Variants in NRXN3 observed in about 807,000 individuals in gnomAD.
NRXN3 encodes the protein neurexin III.
A neutral mutation model predicts 137.6 loss-of-function variants in NRXN3; 32 were observed. That is an observed-to-expected ratio of 0.23 (90% confidence interval 0.18 to 0.31). NRXN3 has a LOEUF of 0.31. Among genes scored for constraint, NRXN3 ranks in the 10% least tolerant of loss-of-function variants. The pLI is 1.00. For synonymous variants in NRXN3, 798 were observed against 784.5 expected, an observed-to-expected ratio of 1.02 and a Z score of -0.29; for missense variants, 1,574 against 2,062.5, an observed-to-expected ratio of 0.76 and a Z score of 4.59.
chr14:78,838,108 C>T, intron 10 of NRXN3, among the ~76,000 whole-genome samples: 1 of 152,154 alleles, frequency 6.6e-6, no homozygotes, highest in Admixed American at 6.6e-5. Context: ...CTTTGCCCCC[C>T]TTTAACTCTA....
chr14:78,195,069 C>T (rs548064602), intron 1 of NRXN3, among the ~76,000 whole-genome samples: 81 of 151,542 alleles, frequency 5.3e-4, no homozygotes, highest in African/African-American at 2.0e-3. Flanking sequence ...CCCGACCCCC[C>T]ACCCTTTTTT....
chr14:78,297,864 GGTGCTTT>G lies in NRXN3; in HGVS notation c.757+11_757+17del, dbSNP rs755005592. ...CACCTCATGATGAGTGAACAAGGTA[GGTGCTTT>G]GTGCTTGTGGTCCTGCAGCTGCCTG... is the stretch of plus-strand genomic sequence containing the variant. On this transcript the variant is annotated splice_donor_5th_base_variant and intron_variant, in intron 4 of 20. Coordinates refer to ENST00000335750, the MANE Select transcript of NRXN3 (RefSeq NM_001330195.2). 1 of 1,536,410 alleles carries G rather than the reference GGTGCTTT, an allele frequency of 6.5e-7. No homozygotes were observed. Among genetic ancestry groups the G allele is most frequent in the South Asian group, 1.2e-5 (1 of 84,046 alleles).
intron 16 of NRXN3, among the ~76,000 whole-genome samples, chr14:79,559,729 A>C (rs1037114087): frequency 6.6e-6 from 1 of 152,334 alleles, no homozygotes; most frequent in Non-Finnish European, 1.5e-5. Flanking sequence ...AAAAAGCATA[A>C]TATCTACAAA....
intron 8 of NRXN3, among the ~76,000 whole-genome samples, chr14:78,738,493 C>T (rs922101429): frequency 1.3e-5 from 2 of 152,106 alleles, no homozygotes; most frequent in Admixed American, 6.6e-5. Flanking sequence ...GGTATCTGTC[C>T]GTGGCTCCCA....
chr14:78,794,628 G>C (rs992663120), intron 8 of NRXN3, among the ~76,000 whole-genome samples: 1 of 151,506 alleles, frequency 6.6e-6, no homozygotes, highest in Non-Finnish European at 1.5e-5. Context: ...GTGTGTGTGT[G>C]TGTGTGTATA....
At chr14:79,828,017 G>A (rs367776808) in intron 20 of NRXN3, among the ~76,000 whole-genome samples, 17 of 152,092 alleles carry the variant, frequency 1.1e-4, no homozygotes, top group South Asian at 4.2e-4. Flanking sequence ...TTATATGACC[G>A]GATCTCACTG....
chr14:78,627,568 G>T (rs1006847433), intron 4 of NRXN3, among the ~76,000 whole-genome samples: 8 of 152,140 alleles, frequency 5.3e-5, no homozygotes, highest in African/African-American at 1.9e-4. Context: ...CATGCAGGAG[G>T]CTTGGAGTAA....
chr14:79,121,599 T>A (rs1216493857), intron 15 of NRXN3, among the ~76,000 whole-genome samples: 1 of 152,190 alleles, frequency 6.6e-6, no homozygotes, highest in Non-Finnish European at 1.5e-5. Flanking sequence ...GCACATGGGT[T>A]TATCACTTGG....
At position 78,906,622 on chromosome 14, in the gene NRXN3, A is replaced by G. The variant is rs551269694; in HGVS notation, c.2276-50620A>G. On this transcript the variant is annotated intron_variant, in intron 10 of 20. Coordinates refer to ENST00000335750, the MANE Select transcript of NRXN3 (RefSeq NM_001330195.2). ...TTTCTTTGGGGAAAGAATTGTCTCC[A>G]GTTATCTTTTTTTCCCTGATCCTAG... Among the ~76,000 whole-genome samples, 8 of 152,184 alleles carry G rather than the reference A, an allele frequency of 5.3e-5. No homozygotes were observed. The South Asian group carries it at 1.5e-3, about 28-fold the overall frequency.
At chr14:79,420,258 CAG>C (rs1567075764) in intron 15 of NRXN3, among the ~76,000 whole-genome samples, 1 of 152,060 alleles carries the variant, frequency 6.6e-6, no homozygotes, top group Non-Finnish European at 1.5e-5. Flanking sequence ...CTGAGGTACA[CAG>C]TGAAGTAAAT....
chr14:78,478,050 C>G, intron 4 of NRXN3, among the ~76,000 whole-genome samples: 1 of 152,106 alleles, frequency 6.6e-6, no homozygotes, highest in East Asian at 1.9e-4. Flanking sequence ...GGATGTTGAT[C>G]ATAGTTTTGC....
At chr14:78,199,938 G>A (rs556099683) in intron 1 of NRXN3, among the ~76,000 whole-genome samples, 2 of 152,326 alleles carry the variant, frequency 1.3e-5, no homozygotes, top group Middle Eastern at 3.4e-3. Flanking sequence ...TGCAGCAGGC[G>A]AGTGTCAGCT....
chr14:79,788,578 A>G (rs1168828088), intron 19 of NRXN3, among the ~76,000 whole-genome samples: 1 of 152,170 alleles, frequency 6.6e-6, no homozygotes, highest in Non-Finnish European at 1.5e-5. Context: ...CAGAAGAGAA[A>G]ACTAGGGTGC....
At chr14:79,383,644 T>G (rs2153457484) in intron 15 of NRXN3, among the ~76,000 whole-genome samples, 1 of 152,320 alleles carries the variant, frequency 6.6e-6, no homozygotes, top group Non-Finnish European at 1.5e-5. Context: ...GAAAAGTTTA[T>G]GCAGGGACCA....
At chr14:78,489,185 A>G (rs2095619521) in intron 4 of NRXN3, among the ~76,000 whole-genome samples, 2 of 152,178 alleles carry the variant, frequency 1.3e-5, no homozygotes, top group East Asian at 3.9e-4. Context: ...GACGCTGATG[A>G]CTTGAGCTTT....
At chr14:78,549,456 C>T (rs943342267) in intron 4 of NRXN3, among the ~76,000 whole-genome samples, 2 of 152,148 alleles carry the variant, frequency 1.3e-5, no homozygotes, top group African/African-American at 4.8e-5. Context: ...CACCAAACTG[C>T]CACAACAACC....
chr14:79,686,942 G>A (rs1158801334), intron 17 of NRXN3, among the ~76,000 whole-genome samples: 1 of 152,152 alleles, frequency 6.6e-6, no homozygotes, highest in Non-Finnish European at 1.5e-5. Context: ...GGTCTCCCTG[G>A]CTCAAGGAGC....
rs959015626 is a variant in NRXN3 at position 79,643,505 on chromosome 14, T to C, written c.3445-20273T>C. Among the ~76,000 whole-genome samples, 4 of 135,524 alleles carry C rather than the reference T, an allele frequency of 3.0e-5. 2 individuals carry two copies. The Admixed American group carries it at 3.1e-4, about 11-fold the overall frequency. 88.9% of individuals were successfully genotyped at this position (135,524 alleles called of 152,430 possible). The stretch of plus-strand genomic sequence containing the variant: ...AGATTTTGGGTTTTTTTTCTGGTCA[T>C]TTTGCTCAATGACTTCCTAATACCA... On this transcript the variant is annotated intron_variant, in intron 16 of 20. Transcript: ENST00000335750.
chr14:79,119,218 C>A (rs1472488222), intron 15 of NRXN3, among the ~76,000 whole-genome samples: 2 of 151,906 alleles, frequency 1.3e-5, no homozygotes, highest in Non-Finnish European at 2.9e-5. Flanking sequence ...GAGTTTGGTT[C>A]ATTTTATCAT....
Sources: allele counts gnomAD v4.1 joint callset (sites outside exome capture counted in the v4.1 genomes callset), GRCh38; gene constraint gnomAD v4.1.1; transcripts MANE v1.5; gene names NCBI Gene and HGNC (gene_info 2026-07-23, HGNC 2026-07-21).